The following TENT4B variants were observed in gnomAD, a reference collection of about 807,000 sequenced individuals.
TENT4B encodes the protein terminal nucleotidyltransferase 4B.
A neutral mutation model predicts 75.0 loss-of-function variants in TENT4B; 10 were observed. The ratio of observed to expected loss-of-function variants is 0.13; its 90% CI spans 0.08 to 0.23. The LOEUF (loss-of-function observed/expected upper bound fraction) is 0.23. Ranked by LOEUF, TENT4B falls within the 10% of genes least tolerant of loss-of-function variation. The probability of loss-of-function intolerance (pLI) is 1.00; values close to 1 mark genes in which losing one functional copy is unlikely to be tolerated. For missense variants in TENT4B, 579 were observed against 893.8 expected (o/e 0.65, Z 4.49); for synonymous variants, 350 against 357.7 (o/e 0.98, Z 0.24).
At chr16:50,201,360 A>C (rs1183643683) in intron 1 of TENT4B, among the ~76,000 whole-genome samples, 2 of 151,256 alleles carry the variant, frequency 1.3e-5, no homozygotes, top group Non-Finnish European at 3.0e-5. Context: ...AACATGGTGA[A>C]ACGCTGTCTC....
At chr16:50,211,067 G>A (rs925264522) in intron 1 of TENT4B, among the ~76,000 whole-genome samples, 4 of 152,154 alleles carry the variant, frequency 2.6e-5, no homozygotes, top group Admixed American at 1.3e-4. Context: ...AGGCCAGCCC[G>A]TATGCTTGTT....
chr16:50,222,652 A>T (rs1482070029), intron 6 of TENT4B, among the ~76,000 whole-genome samples: 1 of 152,206 alleles, frequency 6.6e-6, no homozygotes, highest in African/African-American at 2.4e-5. Flanking sequence ...AATCCCATAC[A>T]TTCTAGTATT....
chr16:50,190,773 C>T (rs555453627), intron 1 of TENT4B, among the ~76,000 whole-genome samples: 6 of 152,156 alleles, frequency 3.9e-5, no homozygotes, highest in South Asian at 2.1e-4. Context: ...AATACATTCA[C>T]GTTACTGTGC....
intron 1 of TENT4B, among the ~76,000 whole-genome samples, chr16:50,197,125 C>CAA (rs372992015): frequency 1.3e-4 from 18 of 142,160 alleles, no homozygotes; most frequent in Non-Finnish European, 1.5e-4. Context: ...AAACAAAAAA[C>CAA]AAAAAAAAAA....
rs2032378608 is a variant in TENT4B, at chr16:50,234,151, A to T, written c.*4823A>T. 1 of 985,494 alleles carries T rather than the reference A, an allele frequency of 1.0e-6. No individual in the cohort carries two copies. The highest frequency in any genetic ancestry group is 1.1e-4 in the East Asian group (1 of 8,818). The allele number at this position is 985,494 out of a possible 1,614,324, so 61.0% of individuals were successfully genotyped here. A position where few individuals can be genotyped will look rare whatever the true frequency, so the allele number is the denominator to read the frequency against. ...ACGCATATAGTACCAGTGAGAAACT[A>T]TGAAGTAAACAAGTTGCTCAGGCCG... On this transcript the variant is annotated 3_prime_UTR_variant, in exon 12 of 12. Transcript: ENST00000561678.
rs1442072291 is a variant in TENT4B, at chr16:50,233,648, ACTG to A, written c.*4323_*4325del. 1.0e-6 allele frequency: 1 copy of A among 983,908 alleles called. No homozygotes were observed. Among genetic ancestry groups the A allele is most frequent in the South Asian group, 4.7e-5 (1 of 21,258 alleles). The allele number at this position is 983,908 out of a possible 1,614,324, so 60.9% of individuals were successfully genotyped here. ...TTTGAGGACAGTTTTTAGTTAATAAACTGCTAATGTTTATTTTACTGTCTCTCA... is the reference window on the plus strand; with the variant it reads ...TTTGAGGACAGTTTTTAGTTAATAAACTAATGTTTATTTTACTGTCTCTCA... On this transcript the variant is annotated 3_prime_UTR_variant, in exon 12 of 12. Coordinates refer to ENST00000561678, the MANE Select transcript of TENT4B (RefSeq NM_001365324.3).
chr16:50,228,061 C>A, intron 11 of TENT4B, 58 bp downstream of exon 11: 2 of 1,551,552 alleles, frequency 1.3e-6, no homozygotes, highest in East Asian at 2.4e-5. Flanking sequence ...TTAGAATTTC[C>A]CACATGTAAA....
In TENT4B at chr16:50,153,975, C is replaced by G; in HGVS notation, c.354C>G (p.Pro118=). Reference sequence around the variant, plus strand: ...ACAACAACAACAACCACCACCAGCCCGGGGCCTGGGCCCGCCGGGCGGGCT... The same window carrying G: ...ACAACAACAACAACCACCACCAGCCGGGGGCCTGGGCCCGCCGGGCGGGCT... ...TTNNNNNHHQ[P]GAWARRAGSS... Residue 118 remains proline (P), a synonymous_variant, in exon 1 of 12, where the codon CCC becomes CCG. Coordinates refer to ENST00000561678, the MANE Select transcript of TENT4B (RefSeq NM_001365324.3). 6.5e-7 allele frequency: 1 copy of G among 1,534,190 alleles called. No individual in the cohort carries two copies. The highest frequency in any genetic ancestry group is 8.7e-7 in the Non-Finnish European group (1 of 1,146,178).
intron 5 of TENT4B, among the ~76,000 whole-genome samples, chr16:50,221,576 G>A (rs577785124): frequency 2.0e-5 from 3 of 152,218 alleles, no homozygotes; most frequent in South Asian, 2.1e-4. Flanking sequence ...TCTAAAGGTC[G>A]CTAGTCTACA....
chr16:50,220,129 G>C (rs953727827), intron 5 of TENT4B, among the ~76,000 whole-genome samples: 1 of 151,578 alleles, frequency 6.6e-6, no homozygotes, highest in African/African-American at 2.4e-5. Context: ...GCTGGGATTA[G>C]AGGCGCACAC....
At chr16:50,193,216 T>TG (rs1472800627) in intron 1 of TENT4B, among the ~76,000 whole-genome samples, 2 of 152,052 alleles carry the variant, frequency 1.3e-5, no homozygotes, top group East Asian at 3.9e-4. Context: ...GTCAGATACT[T>TG]GCATTCTTTT....
chr16:50,168,888 C>T (rs1401916714), intron 1 of TENT4B, among the ~76,000 whole-genome samples: 6 of 151,970 alleles, frequency 3.9e-5, no homozygotes, highest in Admixed American at 1.3e-4. Flanking sequence ...TCAGGTGGTC[C>T]GTCCACTTCG....
At chr16:50,176,625 G>A (rs112788214) in intron 1 of TENT4B, among the ~76,000 whole-genome samples, 8,346 of 138,890 alleles carry the variant, frequency 0.06, 299 homozygotes, top group Non-Finnish European at 0.085. Flanking sequence ...TCCTGCCTCA[G>A]CCTCCTGAGC....
At chr16:50,206,779 C>T (rs1031878069) in intron 1 of TENT4B, among the ~76,000 whole-genome samples, 7 of 152,054 alleles carry the variant, frequency 4.6e-5, no homozygotes, top group Non-Finnish European at 8.8e-5. Context: ...CTGAAGGATG[C>T]GAAATGGTTC....
chr16:50,186,027 C>T (rs1021897666), intron 1 of TENT4B, among the ~76,000 whole-genome samples: 6 of 152,052 alleles, frequency 3.9e-5, no homozygotes, highest in South Asian at 2.1e-4. Flanking sequence ...GTTAGCTTAA[C>T]GTTTTTCTTA....
Position 50,154,452 on chromosome 16 carries a change from G to A in TENT4B, c.638+193G>A, listed in dbSNP as rs533079713. 2.0e-5 allele frequency among the ~76,000 whole-genome samples: 3 copies of A among 150,482 alleles called. No individual in the cohort carries two copies. The South Asian group carries it at 6.4e-4, about 32-fold the overall frequency. ...CACCTTTCCCCAAGCCTCCTTAGCCGTCCACACCCTCCGTCTCCTGTCCTC... is the reference window on the plus strand; with the variant it reads ...CACCTTTCCCCAAGCCTCCTTAGCCATCCACACCCTCCGTCTCCTGTCCTC... On this transcript the variant is annotated intron_variant, in intron 1 of 11. Coordinates refer to ENST00000561678, the MANE Select transcript of TENT4B (RefSeq NM_001365324.3).
intron 1 of TENT4B, among the ~76,000 whole-genome samples, chr16:50,199,915 G>T (rs148956260): frequency 1.4e-4 from 21 of 152,352 alleles, no homozygotes; most frequent in African/African-American, 4.6e-4. Flanking sequence ...TGGGATTACA[G>T]CTATACACCA....
chr16:50,214,868 C>T (rs772457977), intron 3 of TENT4B, among the ~76,000 whole-genome samples: 1 of 152,184 alleles, frequency 6.6e-6, no homozygotes, highest in African/African-American at 2.4e-5. Context: ...CCCACTGACA[C>T]AGATGTTAAT....
In TENT4B at chr16:50,231,359, A is replaced by T. The variant is rs970623475; in HGVS notation, c.*2031A>T. ...ACTTATGTTTACTGCTAAGGGAACAATTATTTATAAAATAATATTAAATCC... is the reference window on the plus strand; with the variant it reads ...ACTTATGTTTACTGCTAAGGGAACATTTATTTATAAAATAATATTAAATCC... On this transcript the variant is annotated 3_prime_UTR_variant, in exon 12 of 12. Transcript: ENST00000561678. The T allele has an allele frequency of 1.0e-6, 1 of 980,574 alleles. No homozygotes were observed. Among genetic ancestry groups the T allele is most frequent in the Non-Finnish European group, 1.2e-6 (1 of 825,188 alleles). The allele number at this position is 980,574 out of a possible 1,614,324, so 60.7% of individuals were successfully genotyped here.
Sources: allele counts gnomAD v4.1 joint callset (sites outside exome capture counted in the v4.1 genomes callset), GRCh38; gene constraint gnomAD v4.1.1; transcripts MANE v1.5; gene names NCBI Gene and HGNC (gene_info 2026-07-23, HGNC 2026-07-21).